Variants in PLCB4 observed in about 807,000 individuals in gnomAD.
The protein encoded by PLCB4 is 1-phosphatidylinositol 4,5-bisphosphate phosphodiesterase beta-4.
Under a neutral mutation model 178.8 loss-of-function variants are expected in PLCB4, and 77 were observed. The ratio of observed to expected loss-of-function variants is 0.43; its 90% CI spans 0.36 to 0.52. The LOEUF (loss-of-function observed/expected upper bound fraction) is 0.52. PLCB4 is among the 20% of genes least tolerant of loss of function. The probability of loss-of-function intolerance (pLI) is 0.00; values close to 1 mark genes in which losing one functional copy is unlikely to be tolerated. For synonymous variants in PLCB4, 496 were observed against 490.8 expected (o/e 1.01, Z -0.14); for missense variants, 1,024 against 1,453.4 (o/e 0.70, Z 4.80).
chr20:9,288,138 A>C (rs537014331), intron 3 of PLCB4, among the ~76,000 whole-genome samples: 1 of 152,268 alleles, frequency 6.6e-6, no homozygotes, highest in Admixed American at 6.5e-5. Context: ...CTGTTGCTTA[A>C]ATGTTATAAC....
At chr20:9,128,865 T>A (rs1256993920) in intron 2 of PLCB4, among the ~76,000 whole-genome samples, 1 of 152,100 alleles carries the variant, frequency 6.6e-6, no homozygotes, top group Admixed American at 6.6e-5. Context: ...ACCATTCTAT[T>A]TTCTGTCTCT....
intron 6 of PLCB4, 142 bp downstream of exon 6, chr20:9,338,209 T>C (rs374351368): frequency 1.6e-6 from 1 of 639,800 alleles, no homozygotes; most frequent in Non-Finnish European, 2.9e-6. Context: ...AGCATGTGGT[T>C]GCTGGTTGTG....
At chr20:9,377,277 G>A (rs1328296541) in intron 12 of PLCB4, among the ~76,000 whole-genome samples, 1 of 152,016 alleles carries the variant, frequency 6.6e-6, no homozygotes, top group Non-Finnish European at 1.5e-5. Flanking sequence ...GGATACCATG[G>A]GGTGAATAAC....
chr20:9,257,418 C>A (rs1423043741), intron 3 of PLCB4, among the ~76,000 whole-genome samples: 1 of 152,148 alleles, frequency 6.6e-6, no homozygotes, highest in Non-Finnish European at 1.5e-5. Flanking sequence ...GAATCTGTTT[C>A]AATGTAGCCA....
chr20:9,478,932 G>A lies in PLCB4; in HGVS notation c.3544G>A (p.Ala1182Thr). 1 of 1,613,230 alleles carries A rather than the reference G, an allele frequency of 6.2e-7. No homozygotes were observed. Among genetic ancestry groups the A allele is most frequent in the Non-Finnish European group, 8.5e-7 (1 of 1,179,290 alleles). Residue 1182 changes from alanine (A) to threonine (T), a missense_variant, in exon 40 of 40, where the codon GCA (alanine) becomes ACA (threonine). By Grantham distance (58) the Ala-to-Thr change is moderately conservative (BLOSUM62 0). This residue lies in a region of PLCB4 where 264 missense variants were observed against 283.2 expected (regional missense o/e 0.93). Transcript: ENST00000378473. ...AVSQTQGEGDAADGEIGSRDG... is the reference protein window; with the variant it reads ...AVSQTQGEGDTADGEIGSRDG... ...TTCTGATGTTATAGGCGAAGGAGAT[G>A]CAGCAGATGGTGAAATTGGAAGCCG...
At chr20:9,070,364 G>A (rs1181404751) in intron 1 of PLCB4, among the ~76,000 whole-genome samples, 1 of 152,096 alleles carries the variant, frequency 6.6e-6, no homozygotes. Context: ...TTTTCAAGAC[G>A]GCTGTTTTCA....
intron 30 of PLCB4, among the ~76,000 whole-genome samples, chr20:9,438,832 G>C (rs1213887896): frequency 6.6e-6 from 1 of 152,178 alleles, no homozygotes; most frequent in Non-Finnish European, 1.5e-5. Flanking sequence ...AAAAAAATGT[G>C]AGACATAATT....
chr20:9,090,327 G>A (rs915075457), intron 1 of PLCB4, among the ~76,000 whole-genome samples: 5 of 151,544 alleles, frequency 3.3e-5, no homozygotes, highest in African/African-American at 9.7e-5. Flanking sequence ...AAAGAGAATC[G>A]AGCTATTATT....
At chr20:9,250,585 A>G (rs1452854401) in intron 3 of PLCB4, among the ~76,000 whole-genome samples, 2 of 152,200 alleles carry the variant, frequency 1.3e-5, no homozygotes, top group Non-Finnish European at 2.9e-5. Flanking sequence ...ATGTGTGAGC[A>G]CATATTCTTA....
At chr20:9,185,191 C>T (rs905734642) in intron 2 of PLCB4, among the ~76,000 whole-genome samples, 2 of 152,160 alleles carry the variant, frequency 1.3e-5, no homozygotes, top group African/African-American at 4.8e-5. Context: ...GTGAGAGCTA[C>T]CACGCCCAGC....
intron 4 of PLCB4, among the ~76,000 whole-genome samples, chr20:9,313,482 A>G (rs1041516601): frequency 6.6e-6 from 1 of 152,220 alleles, no homozygotes; most frequent in African/African-American, 2.4e-5. Context: ...AAAGTAGCCA[A>G]TCACAAACCA....
chr20:9,269,729 T>C (rs2094384337), intron 3 of PLCB4, among the ~76,000 whole-genome samples: 1 of 152,110 alleles, frequency 6.6e-6, no homozygotes, highest in Non-Finnish European at 1.5e-5. Context: ...ATTTAATACA[T>C]GGGGATTGGG....
At chr20:9,079,757 T>C (rs114349031) in intron 1 of PLCB4, among the ~76,000 whole-genome samples, 2,164 of 152,256 alleles carry the variant, frequency 0.014, 47 homozygotes, top group African/African-American at 0.049. Context: ...GAAATTGAAA[T>C]TGGGAATTTT....
intron 25 of PLCB4, among the ~76,000 whole-genome samples, chr20:9,412,791 G>A (rs1341582141): frequency 1.3e-5 from 2 of 152,100 alleles, no homozygotes; most frequent in East Asian, 1.9e-4. Flanking sequence ...ATCTGCTGGC[G>A]CTCACCTTAC....
chr20:9,113,020 A>G (rs746036299), intron 2 of PLCB4, among the ~76,000 whole-genome samples: 1 of 152,160 alleles, frequency 6.6e-6, no homozygotes, highest in Non-Finnish European at 1.5e-5. Context: ...GGGAGACATT[A>G]TAAGTTTTGA....
intron 3 of PLCB4, among the ~76,000 whole-genome samples, chr20:9,227,674 G>A (rs1160698101): frequency 6.6e-6 from 1 of 151,962 alleles, no homozygotes; most frequent in Non-Finnish European, 1.5e-5. Flanking sequence ...CCATTGCATT[G>A]TTCTGTATGC....
chr20:9,144,728 G>A (rs56222772), intron 2 of PLCB4, among the ~76,000 whole-genome samples: 3 of 8,358 alleles, frequency 3.6e-4, no homozygotes, highest in Admixed American at 4.1e-3. Context: ...GAAGGGGAAG[G>A]AGGGGAAGGA....
Position 9,452,618 on chromosome 20 carries a change from T to C in PLCB4, c.2881-729T>C, listed in dbSNP as rs536871364. Among the ~76,000 whole-genome samples, 192 of 152,274 alleles carry C rather than the reference T, an allele frequency of 1.3e-3. 2 individuals carry two copies. Among genetic ancestry groups the C allele is most frequent in the Non-Finnish European group, 3.5e-4 (24 of 68,028 alleles). On this transcript the variant is annotated intron_variant, in intron 32 of 39. Transcript: ENST00000378473. ...GCCTTTTTCATTGTCCAGGAAGAAA[T>C]AATGTTTATATTGAAATACCTACTT...
intron 2 of PLCB4, among the ~76,000 whole-genome samples, chr20:9,113,916 T>C (rs2091682625): frequency 6.6e-6 from 1 of 152,018 alleles, no homozygotes; most frequent in African/African-American, 2.4e-5. Context: ...TGATTTTTGC[T>C]CAAGTTGTGA....
Sources: gnomAD v4.1 joint callset for allele counts (sites outside exome capture counted in the v4.1 genomes callset) on GRCh38, gnomAD v4.1.1 for gene constraint, gnomAD v4.1.1 regional missense constraint, MANE v1.5 for transcripts, NCBI Gene and HGNC (gene_info 2026-07-23, HGNC 2026-07-21) for gene names.